Variants in IRF4 observed in about 807,000 individuals in gnomAD.
The protein encoded by IRF4 is lymphocyte-specific interferon regulatory factor.
IRF4 carries 13 observed loss-of-function variants against 55.5 expected under a neutral mutation model. The ratio of observed to expected loss-of-function variants is 0.23; its 90% CI spans 0.15 to 0.37. The LOEUF (loss-of-function observed/expected upper bound fraction) is 0.37, where lower values mean the gene tolerates loss of function less well. Among genes scored for constraint, IRF4 ranks in the 10% least tolerant of loss-of-function variants. IRF4 has a pLI of 1.00. For synonymous variants in IRF4, 249 were observed against 240.7 expected, an observed-to-expected ratio of 1.03 and a Z score of -0.32; for missense variants, 397 against 593.8, an observed-to-expected ratio of 0.67 and a Z score of 3.44.
At position 393,191 on chromosome 6, in the gene IRF4, C is replaced by T. The variant is rs989430246; in HGVS notation, c.39C>T (p.Gly13=). Residue 13 remains glycine (G), a synonymous_variant, in exon 2 of 9, where the codon GGC becomes GGT. Transcript: ENST00000380956. This position sits in a 1 kb window ranked among gnomAD's most constrained non-coding sequence, Gnocchi z 5.4. ...LEGGGRGGEF[G]MSAVSCGNGK... ...GCGGCGGCCGAGGCGGAGAGTTCGG[C>T]ATGAGCGCGGTGAGCTGCGGCAACG... 1.3e-6 allele frequency: 2 copies of T among 1,555,286 alleles called. No homozygotes were observed. Among genetic ancestry groups the T allele is most frequent in the African/African-American group, 1.4e-5 (1 of 73,350 alleles).
intron 2 of IRF4, 80 bp from the exon 3 acceptor site, chr6:394,741 C>A: frequency 7.5e-7 from 1 of 1,341,860 alleles, no homozygotes; most frequent in Non-Finnish European, 1.0e-6. Flanking sequence ...GGCAGCAGAG[C>A]AGGACTCTGA....
At position 401,485 on chromosome 6, in the gene IRF4, C is replaced by T. The variant is rs777806353; in HGVS notation, c.807C>T (p.Ser269=). 6.2e-7 allele frequency: 1 copy of T among 1,613,886 alleles called. No individual in the cohort carries two copies. The change falls in exon 7 of 9, where the codon TCC becomes TCT. Residue 269 remains serine, a synonymous_variant. Coordinates refer to ENST00000380956, the MANE Select transcript of IRF4 (RefSeq NM_002460.4). ...TCCTCGTGAAGGAGCTGACCACGTC[C>T]AGCCCCGAGGGCTGCCGGATCTCCC... ...REILVKELTT[S]SPEGCRISHG...
At chr6:399,665 A>G (rs1761351384) in intron 6 of IRF4, among the ~76,000 whole-genome samples, 2 of 152,218 alleles carry the variant, frequency 1.3e-5, no homozygotes, top group African/African-American at 4.8e-5. Context: ...CAAATAGCTT[A>G]AGGTTTGGAA....
rs530344262 is a variant in IRF4 at position 392,255 on chromosome 6, C to T, written c.-56+446C>T. 2.1e-3 allele frequency among the ~76,000 whole-genome samples: 318 copies of T among 152,382 alleles called. 2 individuals are homozygous for T. Among genetic ancestry groups the T allele is most frequent in the African/African-American group, 7.1e-3 (296 of 41,592 alleles). On this transcript the variant is annotated intron_variant, in intron 1 of 8. Coordinates refer to ENST00000380956, the MANE Select transcript of IRF4 (RefSeq NM_002460.4). Reference sequence around the variant, plus strand: ...AAGGGGCCCAAGCTCACGGCGGCCTCCGGCGCGGTGCTCACCCGCTGGCGC... The same window carrying T: ...AAGGGGCCCAAGCTCACGGCGGCCTTCGGCGCGGTGCTCACCCGCTGGCGC...
chr6:397,040 T>C (rs1179482254), intron 4 of IRF4, 68 bp from the exon 5 acceptor site: 5 of 1,169,080 alleles, frequency 4.3e-6, no homozygotes, highest in African/African-American at 2.8e-5. Context: ...TCTCAGCCTC[T>C]CCTGCACTCC....
rs1256781959 is a variant in IRF4, at chr6:407,659, T to TACGGGGTC, written c.*62_*69dup. The TACGGGGTC allele has an allele frequency of 1.9e-5, 26 of 1,393,368 alleles. No individual in the cohort carries two copies. The highest frequency in any genetic ancestry group is 2.2e-5 in the Non-Finnish European group (23 of 1,022,910). 86.3% of individuals were successfully genotyped at this position (1,393,368 alleles called of 1,614,324 possible). ...TTTTTTTTTTTTTTTGATACGGGGA[T>TACGGGGTC]ACGGGGTCTTGCTCTGTCTCCCAGG... On this transcript the variant is annotated 3_prime_UTR_variant, in exon 9 of 9. Transcript: ENST00000380956.
intron 1 of IRF4, among the ~76,000 whole-genome samples, chr6:392,165 C>T (rs1253433229): frequency 6.6e-6 from 1 of 152,270 alleles, no homozygotes; most frequent in Non-Finnish European, 1.5e-5. Flanking sequence ...GCACAACTGC[C>T]TGCGAGAAAC....
intron 7 of IRF4, among the ~76,000 whole-genome samples, 179 bp from the exon 8 acceptor site, chr6:404,839 A>G (rs1402394370): frequency 2.0e-5 from 3 of 152,244 alleles, no homozygotes; most frequent in African/African-American, 7.2e-5. Flanking sequence ...ACCCAAAGGA[A>G]TGCATACATG....
Position 393,111 on chromosome 6 carries a change from G to C in IRF4, c.-42G>C, listed in dbSNP as rs1412206212. 5 of 1,525,300 alleles carry C rather than the reference G, an allele frequency of 3.3e-6. No individual in the cohort carries two copies. The highest frequency in any genetic ancestry group is 4.4e-6 in the Non-Finnish European group (5 of 1,128,554). The allele number at this position is 1,525,300 out of a possible 1,614,324, so 94.5% of individuals were successfully genotyped here. A position where few individuals can be genotyped will look rare whatever the true frequency, so the allele number is the denominator to read the frequency against. ...TTCTCCCCGCAGTGCAGAGCAGAGC[G>C]GGCGGAGGACCCCGGGCGCGGGCGC... On this transcript the variant is annotated 5_prime_UTR_variant, in exon 2 of 9. Coordinates refer to ENST00000380956, the MANE Select transcript of IRF4 (RefSeq NM_002460.4). The surrounding 1 kb of genome is among the most constrained non-coding windows in gnomAD (Gnocchi z 5.4).
intron 7 of IRF4, 57 bp from the exon 8 acceptor site, chr6:404,961 G>A (rs1761506063): frequency 1.9e-6 from 2 of 1,058,036 alleles, no homozygotes; most frequent in Non-Finnish European, 1.5e-6. Flanking sequence ...TGTTTAACCT[G>A]GTGTGTTCGG....
chr6:395,108 T>TTGCC (rs34458415), intron 3 of IRF4, 101 bp downstream of exon 3: 22,259 of 916,038 alleles, frequency 0.024, 840 homozygotes, highest in East Asian at 0.11. Flanking sequence ...TCCTTTTGTA[T>TTGCC]TGCCTGCCTG....
Position 407,550 on chromosome 6 carries a change from T to C in IRF4, c.1308T>C (p.Asn436=). ...RGYDLPEHIS[N]PEDYHRSIRH... is the part of the protein sequence containing the mutation. ...ACGATTTACCAGAACACATCAGCAA[T>C]CCAGAAGATTACCACAGATCTATCC... is the stretch of plus-strand genomic sequence containing the variant. The change falls in exon 9 of 9, where the codon AAT becomes AAC. Residue 436 remains asparagine (N), a synonymous_variant. Coordinates refer to ENST00000380956, the MANE Select transcript of IRF4 (RefSeq NM_002460.4). 6.2e-7 allele frequency: 1 copy of C among 1,612,876 alleles called. No homozygotes were observed. The highest frequency in any genetic ancestry group is 8.5e-7 in the Non-Finnish European group (1 of 1,179,596).
At chr6:401,900 C>T (rs1468543480) in intron 7 of IRF4, 123 bp downstream of exon 7, 5 of 809,058 alleles carry the variant, frequency 6.2e-6, no homozygotes, top group African/African-American at 1.7e-5. Context: ...TCGGCGCCCA[C>T]TGGGCTTGGG....
chr6:398,788 C>T (rs374104208), intron 5 of IRF4, 40 bp from the exon 6 acceptor site: 2 of 1,497,002 alleles, frequency 1.3e-6, no homozygotes. Flanking sequence ...GCGTCGGACT[C>T]TCTGTCTAGA....
Position 393,957 on chromosome 6 carries a change from C to T in IRF4, c.216+589C>T, listed in dbSNP as rs533236904. Among the ~76,000 whole-genome samples the T allele has an allele frequency of 6.6e-6, 1 of 152,172 alleles. No homozygotes were observed. Among genetic ancestry groups the T allele is most frequent in the Admixed American group, 6.5e-5 (1 of 15,280 alleles). Reference sequence around the variant, plus strand: ...GTCTCTGTCTCTCTCTTTCCCCCATCGCAGTGGAACTCAGGGCCTCTGTCT... The same window carrying T: ...GTCTCTGTCTCTCTCTTTCCCCCATTGCAGTGGAACTCAGGGCCTCTGTCT... On this transcript the variant is annotated intron_variant, in intron 2 of 8. Transcript: ENST00000380956. The surrounding 1 kb of genome is among the most constrained non-coding windows in gnomAD (Gnocchi z 5.4).
intron 1 of IRF4, 64 bp downstream of exon 1, chr6:391,873 G>A (rs1030692160): frequency 2.4e-5 from 11 of 453,544 alleles, no homozygotes; most frequent in Non-Finnish European, 3.5e-5. Context: ...CCCGGAGCGC[G>A]AACCAGAGGT....
At chr6:405,496 A>G (rs1011190402) in intron 8 of IRF4, among the ~76,000 whole-genome samples, 1 of 152,228 alleles carries the variant, frequency 6.6e-6, no homozygotes, top group Non-Finnish European at 1.5e-5. Flanking sequence ...TGCTGTAAGA[A>G]TGCTATCTAG....
rs1761392250 is a variant in IRF4, at chr6:401,316, CAT to C, written c.746-107_746-106del. The C allele has an allele frequency of 8.6e-6, 7 of 810,672 alleles. No homozygotes were observed. In the South Asian group the frequency reaches 1.2e-4, roughly 14 times the overall value. 50.2% of individuals were successfully genotyped at this position (810,672 alleles called of 1,614,324 possible). A position where few individuals can be genotyped will look rare whatever the true frequency, so the allele number is the denominator to read the frequency against. ...GGGAACCTTTTGTTCCCCCACGGGA[CAT>C]GTGGGACACTAGAGTTCCACCACAG... is the stretch of plus-strand genomic sequence containing the variant. On this transcript the variant is annotated intron_variant, in intron 6 of 8. Coordinates refer to ENST00000380956, the MANE Select transcript of IRF4 (RefSeq NM_002460.4).
chr6:392,286 G>C (rs149690377), intron 1 of IRF4, among the ~76,000 whole-genome samples: 23 of 152,262 alleles, frequency 1.5e-4, no homozygotes, highest in Non-Finnish European at 2.9e-4. Context: ...GGCGCAGGAG[G>C]AGGAGGAGCT....
Sources: allele counts gnomAD v4.1 joint callset (sites outside exome capture counted in the v4.1 genomes callset), GRCh38; gene constraint gnomAD v4.1.1; non-coding constraint Gnocchi (gnomAD v3.1); transcripts MANE v1.5; gene names NCBI Gene and HGNC (gene_info 2026-07-23, HGNC 2026-07-21).